The following FOXP1 variants were observed in gnomAD, a reference collection of about 807,000 sequenced individuals.
The protein encoded by FOXP1 is forkhead box protein P1.
FOXP1 carries 15 observed loss-of-function variants against 98.2 expected under a neutral mutation model. The observed-to-expected ratio is 0.15, with a 90% CI of 0.10 to 0.24. The LOEUF (loss-of-function observed/expected upper bound fraction) is 0.24, where lower values mean the gene tolerates loss of function less well. Ranked by LOEUF, FOXP1 falls within the 10% of genes least tolerant of loss-of-function variation. FOXP1 has a pLI of 1.00. For missense variants in FOXP1, 633 were observed against 848.5 expected, an observed-to-expected ratio of 0.75 and a Z score of 3.15; for synonymous variants, 371 against 314.5, an observed-to-expected ratio of 1.18 and a Z score of -1.90.
chr3:70,962,694 T>C (rs1408953848), intron 20 of FOXP1, among the ~76,000 whole-genome samples: 2 of 152,224 alleles, frequency 1.3e-5, no homozygotes, highest in Non-Finnish European at 2.9e-5. Flanking sequence ...ATTTTCCTAC[T>C]TTCTTAACTA....
At chr3:71,035,560 A>G (rs975809056) in intron 11 of FOXP1, among the ~76,000 whole-genome samples, 2 of 152,196 alleles carry the variant, frequency 1.3e-5, no homozygotes, top group Non-Finnish European at 2.9e-5. Context: ...CAGGCTGACC[A>G]TAATTTGCCG....
At chr3:71,080,617 C>T (rs1363218863) in intron 7 of FOXP1, among the ~76,000 whole-genome samples, 1 of 152,236 alleles carries the variant, frequency 6.6e-6, no homozygotes, top group East Asian at 1.9e-4. Flanking sequence ...TTCTATTCAG[C>T]CCCAGCTGAT....
intron 17 of FOXP1, among the ~76,000 whole-genome samples, chr3:70,976,144 G>T (rs1378835120): frequency 6.8e-6 from 1 of 147,458 alleles, no homozygotes; most frequent in Non-Finnish European, 1.5e-5. Flanking sequence ...CAACCTCCTT[G>T]CCTCAAGCAA....
intron 4 of FOXP1, among the ~76,000 whole-genome samples, chr3:71,311,148 G>C (rs573584419): frequency 8.8e-4 from 134 of 152,186 alleles, no homozygotes; most frequent in Middle Eastern, 3.4e-3. Context: ...GCAGTGGCAC[G>C]ATCATGACTC....
At chr3:71,533,892 T>C (rs2044067401) in intron 2 of FOXP1, among the ~76,000 whole-genome samples, 1 of 152,134 alleles carries the variant, frequency 6.6e-6, no homozygotes, top group African/African-American at 2.4e-5. Context: ...TTAAGGTGAT[T>C]GTAACCCAAA....
intron 2 of FOXP1, among the ~76,000 whole-genome samples, chr3:71,554,361 A>T (rs867276365): frequency 3.9e-5 from 6 of 152,292 alleles, no homozygotes; most frequent in Admixed American, 6.5e-5. Context: ...TCTTTAACAA[A>T]TTTTTTTAAA....
chr3:71,366,089 C>T (rs1237844821), intron 3 of FOXP1, among the ~76,000 whole-genome samples: 1 of 152,096 alleles, frequency 6.6e-6, no homozygotes, highest in Non-Finnish European at 1.5e-5. Flanking sequence ...GTATTATTCC[C>T]CCACTATTCT....
chr3:71,379,745 C>T (rs982196944), intron 3 of FOXP1, among the ~76,000 whole-genome samples: 2 of 152,210 alleles, frequency 1.3e-5, no homozygotes, highest in African/African-American at 2.4e-5. Flanking sequence ...TCTTGCTGAT[C>T]TGGGGCAATG....
At position 71,444,829 on chromosome 3, in the gene FOXP1, G is replaced by A. The variant is rs539891468; in HGVS notation, c.-168+48597C>T. On this transcript the variant is annotated intron_variant, in intron 3 of 20. Coordinates refer to ENST00000649528, the MANE Select transcript of FOXP1 (RefSeq NM_001349338.3). ...CAGAAAGGCAACTGATGTTTGCGAGGGATGCTCTGTACATGCCTCTGCTGT... is the reference window on the plus strand; with the variant it reads ...CAGAAAGGCAACTGATGTTTGCGAGAGATGCTCTGTACATGCCTCTGCTGT... 5.3e-5 allele frequency among the ~76,000 whole-genome samples: 8 copies of A among 152,254 alleles called. No homozygotes were observed. The South Asian group carries it at 1.7e-3, about 32-fold the overall frequency.
intron 3 of FOXP1, among the ~76,000 whole-genome samples, chr3:71,399,133 T>C (rs1156575097): frequency 6.6e-6 from 1 of 152,228 alleles, no homozygotes; most frequent in Non-Finnish European, 1.5e-5. Flanking sequence ...ACTTGAATTA[T>C]TTGGGTTTAT....
At chr3:71,059,067 C>A (rs984120970) in intron 7 of FOXP1, among the ~76,000 whole-genome samples, 3 of 152,074 alleles carry the variant, frequency 2.0e-5, no homozygotes, top group African/African-American at 7.2e-5. Context: ...CAGTCATTAG[C>A]ATAACAGTTC....
At chr3:71,195,795 A>G (rs2063264975) in intron 6 of FOXP1, among the ~76,000 whole-genome samples, 1 of 152,234 alleles carries the variant, frequency 6.6e-6, no homozygotes, top group Admixed American at 6.5e-5. Flanking sequence ...CACTTCAAGT[A>G]AAAACCTGTA....
intron 4 of FOXP1, chr3:71,305,844 CA>C (rs2074235471): frequency 6.6e-6 from 1 of 152,600 alleles, no homozygotes; most frequent in Admixed American, 6.5e-5. Context: ...TAAAATGAAA[CA>C]AAAGTGTCAG....
intron 2 of FOXP1, among the ~76,000 whole-genome samples, chr3:71,575,371 G>A (rs951211246): frequency 2.0e-5 from 3 of 152,128 alleles, no homozygotes; most frequent in Non-Finnish European, 2.9e-5. Context: ...ATCAAGGGAA[G>A]TTTGTTATAA....
At chr3:71,544,093 T>C (rs1281560837) in intron 2 of FOXP1, among the ~76,000 whole-genome samples, 1 of 151,814 alleles carries the variant, frequency 6.6e-6, no homozygotes, top group Admixed American at 6.6e-5. Flanking sequence ...GTATTTCTAT[T>C]ACTTTCCTTT....
At chr3:71,011,907 A>C (rs1344644796) in intron 12 of FOXP1, among the ~76,000 whole-genome samples, 1 of 152,160 alleles carries the variant, frequency 6.6e-6, no homozygotes, top group Non-Finnish European at 1.5e-5. Context: ...CCCCAATTCT[A>C]ATGATCTTTA....
intron 6 of FOXP1, among the ~76,000 whole-genome samples, chr3:71,158,891 G>T (rs1291715274): frequency 6.6e-6 from 1 of 151,994 alleles, no homozygotes; most frequent in Non-Finnish European, 1.5e-5. Context: ...CATCACTTGA[G>T]CCCAGGAGTT....
chr3:70,956,465 C>T lies in FOXP1; in HGVS notation c.*2782G>A, dbSNP rs758702932. On this transcript the variant is annotated 3_prime_UTR_variant, in exon 21 of 21. Coordinates refer to ENST00000649528, the MANE Select transcript of FOXP1 (RefSeq NM_001349338.3). ...CTTTAGACTAAGCATGCAAGACATA[C>T]GACTAAGTGCAACTGAGTGAAATGT... 1.8e-5 allele frequency: 4 copies of T among 217,900 alleles called. No homozygotes were observed. The highest frequency in any genetic ancestry group is 1.9e-4 in the South Asian group (1 of 5,292). 13.5% of individuals were successfully genotyped at this position (217,900 alleles called of 1,614,324 possible). A position where few individuals can be genotyped will look rare whatever the true frequency, so the allele number is the denominator to read the frequency against.
rs147313243 is a variant in FOXP1, at chr3:71,530,750, C to G, written c.-297-37195G>C. On this transcript the variant is annotated intron_variant, in intron 2 of 20. Transcript: ENST00000649528. Reference sequence around the variant, plus strand: ...AGGTGTGATTGTTCCAGTTTTACAACCAGAAAACGAAGAGTGGGCAATTTA... The same window carrying G: ...AGGTGTGATTGTTCCAGTTTTACAAGCAGAAAACGAAGAGTGGGCAATTTA... 5.6e-4 allele frequency among the ~76,000 whole-genome samples: 86 copies of G among 152,262 alleles called. 1 individual carries two copies. Among genetic ancestry groups the G allele is most frequent in the Non-Finnish European group, 9.7e-4 (66 of 68,024 alleles).
Sources: allele counts gnomAD v4.1 joint callset (sites outside exome capture counted in the v4.1 genomes callset), GRCh38; gene constraint gnomAD v4.1.1; transcripts MANE v1.5; gene names NCBI Gene and HGNC (gene_info 2026-07-23, HGNC 2026-07-21).